The following AOC3 variants were observed in gnomAD, a reference collection of about 807,000 sequenced individuals.
AOC3 encodes amine oxidase [copper-containing] 3.
A neutral mutation model predicts 55.4 loss-of-function variants in AOC3; 47 were observed. That is an observed-to-expected ratio of 0.85 (90% CI 0.67 to 1.08). AOC3 has a LOEUF of 1.08. AOC3 is among the 50% of genes least tolerant of loss of function. The probability of loss-of-function intolerance (pLI) is 0.00; values close to 1 mark genes in which losing one functional copy is unlikely to be tolerated. For missense variants in AOC3, 853 were observed against 993.1 expected, an observed-to-expected ratio of 0.86 and a Z score of 1.90; for synonymous variants, 386 against 410.7, an observed-to-expected ratio of 0.94 and a Z score of 0.73.
chr17:42,854,079 C>T (rs2055711879), intron 1 of AOC3: 1 of 177,800 alleles, frequency 5.6e-6, no homozygotes, highest in South Asian at 2.0e-4. Flanking sequence ...TCCTGTGATC[C>T]GGAAGTTGCC....
In AOC3 at chr17:42,852,781, C is replaced by T. The variant is rs1158150737; in HGVS notation, c.1438C>T (p.His480Tyr). The T allele has an allele frequency of 1.2e-6, 2 of 1,614,094 alleles. No individual in the cohort carries two copies. The highest frequency in any genetic ancestry group is 1.1e-5 in the South Asian group (1 of 91,086). ...NYDYVWDTVF[H>Y]PSGAIEIRFY... is the part of the protein sequence containing the mutation. ...TGACTATGTGTGGGATACGGTCTTC[C>T]ACCCCAGTGGGGCCATAGAAATACG... Residue 480 changes from histidine to tyrosine, a missense_variant, in exon 1 of 4, where the codon CAC becomes TAC. His to Tyr is a moderately conservative substitution (Grantham distance 83). Transcript: ENST00000308423.
In AOC3 at chr17:42,851,971, A is replaced by G. The variant is rs2055675161; in HGVS notation, c.628A>G (p.Thr210Ala). The change falls in exon 1 of 4, where the codon ACA (threonine) becomes GCA (alanine). Residue 210 changes from threonine (T) to alanine (A), a missense_variant. Coordinates refer to ENST00000308423, the MANE Select transcript of AOC3 (RefSeq NM_003734.4). ...CAAGCACCGGGGACGGAACCTGGTG[A>G]CAATGACCACGGCTCCCCGTGGTCT... Reference protein sequence around the residue: ...FYKHRGRNLVTMTTAPRGLQS... With the variant: ...FYKHRGRNLVAMTTAPRGLQS... The G allele has an allele frequency of 6.2e-7, 1 of 1,613,640 alleles. No homozygotes were observed. The highest frequency in any genetic ancestry group is 1.3e-5 in the African/African-American group (1 of 74,928).
In AOC3 at chr17:42,852,941, C is replaced by T. The variant is rs1365374887; in HGVS notation, c.1598C>T (p.Ala533Val). 11 of 1,597,808 alleles carry T rather than the reference C, an allele frequency of 6.9e-6. No individual in the cohort carries two copies. The highest frequency in any genetic ancestry group is 8.6e-6 in the Non-Finnish European group (10 of 1,166,414). ...SAHFKVDLDVAGLENWVWAED... is the reference protein window; with the variant it reads ...SAHFKVDLDVVGLENWVWAED... ...CACTTCAAGGTGGATCTGGATGTAG[C>T]AGGTAAGACATTTTGGTGGGGAGAA... The change falls in exon 1 of 4, where the codon GCA becomes GTA. Residue 533 changes from alanine to valine, a missense_variant and splice_region_variant. Physicochemically the swap from Ala to Val is moderately conservative, Grantham distance 64. Coordinates refer to ENST00000308423, the MANE Select transcript of AOC3 (RefSeq NM_003734.4).
At chr17:42,855,857 G>A (rs2055742035) in intron 3 of AOC3, among the ~76,000 whole-genome samples, 1 of 152,184 alleles carries the variant, frequency 6.6e-6, no homozygotes, top group Non-Finnish European at 1.5e-5. Flanking sequence ...AAGTTACCAG[G>A]GAAAATGACA....
rs376876131 is a variant in AOC3, at chr17:42,851,460, C to T, written c.117C>T (p.Pro39=). The T allele has an allele frequency of 1.3e-4, 214 of 1,614,124 alleles. No homozygotes were observed. The highest frequency in any genetic ancestry group is 1.8e-4 in the Non-Finnish European group (210 of 1,180,054). ...GGDGGEPSQL[P]HCPSVSPSAQ... ...ATGGGGGTGAACCCAGCCAGCTTCC[C>T]CATTGCCCCTCTGTATCTCCCAGTG... The change falls in exon 1 of 4, where the codon CCC becomes CCT. Residue 39 remains proline, a synonymous_variant. Transcript: ENST00000308423.
Position 42,854,533 on chromosome 17 carries a change from G to A in AOC3, c.1686G>A (p.Leu562=), listed in dbSNP as rs147670259. ...PWSPEHQLQR[L]QVTRKLLEME... is the part of the protein sequence containing the mutation. The stretch of plus-strand genomic sequence containing the variant: ...GCCCTGAGCACCAGCTGCAGAGGCT[G>A]CAGGTGACCCGGAAGCTGCTGGAGA... The change falls in exon 2 of 4, where the codon CTG becomes CTA. Residue 562 remains leucine, a synonymous_variant. Coordinates refer to ENST00000308423, the MANE Select transcript of AOC3 (RefSeq NM_003734.4). 8 of 1,610,646 alleles carry A rather than the reference G, an allele frequency of 5.0e-6. No individual in the cohort carries two copies. The African/African-American group carries it at 1.1e-4, about 22-fold the overall frequency.
At position 42,857,909 on chromosome 17, in the gene AOC3, C is replaced by T. The variant is rs2144313573; in HGVS notation, c.*1359C>T. The T allele has an allele frequency of 6.6e-6, 1 of 152,186 alleles. No homozygotes were observed. Among genetic ancestry groups the T allele is most frequent in the East Asian group, 1.9e-4 (1 of 5,202 alleles). The allele number at this position is 152,186 out of a possible 1,614,324, so 9.4% of individuals were successfully genotyped here. ...ACAGAAATGTGTATAGCGCACTTCC[C>T]ATTTGTGTTTCAGAAAGGAGTAGAA... is the stretch of plus-strand genomic sequence containing the variant. On this transcript the variant is annotated 3_prime_UTR_variant, in exon 4 of 4. Transcript: ENST00000308423.
In AOC3 at chr17:42,854,643, A is replaced by AC. The variant is rs780431631; in HGVS notation, c.1801dup (p.Arg601ProfsTer44). 1.2e-5 allele frequency: 19 copies of AC among 1,563,830 alleles called. No homozygotes were observed. The highest frequency in any genetic ancestry group is 7.1e-5 in the East Asian group (3 of 42,474). On this transcript the variant is annotated frameshift_variant, in exon 2 of 4. Transcript: ENST00000308423. LOFTEE classifies it high-confidence loss of function. Reference sequence around the variant, plus strand: ...AGCAACCACAGCAACAAGTGGGGTCACCCCCGGGGCTACCGCATCCAGATG... The same window carrying AC: ...AGCAACCACAGCAACAAGTGGGGTCACCCCCCGGGGCTACCGCATCCAGATG...
At position 42,851,576 on chromosome 17, in the gene AOC3, G is replaced by A. The variant is rs402680; in HGVS notation, c.233G>A (p.Arg78Gln). 511 of 1,613,032 alleles carry A rather than the reference G, an allele frequency of 3.2e-4. 2 individuals are homozygous for A. Among genetic ancestry groups the A allele is most frequent in the African/African-American group, 1.9e-3 (146 of 75,016 alleles). The change falls in exon 1 of 4, where the codon CGG (arginine) becomes CAG (glutamine). Residue 78 changes from arginine to glutamine, a missense_variant. Arg to Gln is a conservative substitution (Grantham distance 43). Transcript: ENST00000308423. Reference sequence around the variant, plus strand: ...GCTGTGATGCGCTTTCTGACCCAGCGGCTGGGGCCAGGGCTGGTGGATGCA... The same window carrying A: ...GCTGTGATGCGCTTTCTGACCCAGCAGCTGGGGCCAGGGCTGGTGGATGCA... ...LTAVMRFLTQ[R>Q]LGPGLVDAAQ...
chr17:42,851,214 A>T lies in AOC3; in HGVS notation c.-130A>T. 1.1e-6 allele frequency: 1 copy of T among 947,750 alleles called. No homozygotes were observed. 58.7% of individuals were successfully genotyped at this position (947,750 alleles called of 1,614,324 possible). On this transcript the variant is annotated 5_prime_UTR_variant, in exon 1 of 4. Transcript: ENST00000308423. ...TCCCACCCTTAGTCCCAGGCATCTG[A>T]CTACCGGGAACCTCAGCCAGAGTCC...
chr17:42,853,793 C>T (rs368426240), intron 1 of AOC3, among the ~76,000 whole-genome samples: 1 of 152,172 alleles, frequency 6.6e-6, no homozygotes, highest in East Asian at 1.9e-4. Flanking sequence ...CTCTCACTTT[C>T]GTCATCACCT....
chr17:42,856,505 C>G lies in AOC3; in HGVS notation c.2247C>G (p.Ala749=). Residue 749 remains alanine, a synonymous_variant, in exon 4 of 4, where the codon GCC becomes GCG. Transcript: ENST00000308423. ...LACLPQAAAC[A]PDLPAFSHGG... ...GCCTGCCCCAGGCTGCTGCCTGTGCCCCCGACCTCCCTGCCTTCTCCCACG... is the reference window on the plus strand; with the variant it reads ...GCCTGCCCCAGGCTGCTGCCTGTGCGCCCGACCTCCCTGCCTTCTCCCACG... 1.2e-6 allele frequency: 2 copies of G among 1,609,604 alleles called. No individual in the cohort carries two copies.
At position 42,851,442 on chromosome 17, in the gene AOC3, T is replaced by A. The variant is rs1305983875; in HGVS notation, c.99T>A (p.Gly33=). 6.2e-7 allele frequency: 1 copy of A among 1,614,076 alleles called. No individual in the cohort carries two copies. The highest frequency in any genetic ancestry group is 1.7e-5 in the Admixed American group (1 of 60,026). ...TGGTGGGCAGGGGTGGAGATGGGGG[T>A]GAACCCAGCCAGCTTCCCCATTGCC... ...VLLVGRGGDG[G]EPSQLPHCPS... is the part of the protein sequence containing the mutation. Residue 33 remains glycine (G), a synonymous_variant, in exon 1 of 4, where the codon GGT becomes GGA. Transcript: ENST00000308423.
At position 42,855,483 on chromosome 17, in the gene AOC3, C is replaced by T. The variant is rs995188564; in HGVS notation, c.1926C>T (p.Pro642=). 5.6e-6 allele frequency: 9 copies of T among 1,611,576 alleles called. No homozygotes were observed. The African/African-American group carries it at 9.3e-5, about 17-fold the overall frequency. Residue 642 remains proline (P), a synonymous_variant, in exon 3 of 4, where the codon CCC becomes CCT. Coordinates refer to ENST00000308423, the MANE Select transcript of AOC3 (RefSeq NM_003734.4). The part of the protein sequence containing the change: ...LAVTQRKEEE[P]SSSSVFNQND... ...TGACCCAGCGGAAGGAGGAGGAGCC[C>T]AGTAGCAGCAGCGTTTTCAATCAGA...
rs145964446 is a variant in AOC3, at chr17:42,852,157, G to A, written c.814G>A (p.Asp272Asn). Residue 272 changes from aspartate (D) to asparagine (N), a missense_variant, in exon 1 of 4, where the codon GAC becomes AAC. By Grantham distance (23) the Asp-to-Asn change is conservative. Coordinates refer to ENST00000308423, the MANE Select transcript of AOC3 (RefSeq NM_003734.4). ...GGTGTTCTATCAAGGCCGCTACTACGACAGCCTGGCCCAGCTGGAGGCCCA... is the reference window on the plus strand; with the variant it reads ...GGTGTTCTATCAAGGCCGCTACTACAACAGCCTGGCCCAGCTGGAGGCCCA... ...QKVFYQGRYY[D>N]SLAQLEAQFE... 36 of 1,613,908 alleles carry A rather than the reference G, an allele frequency of 2.2e-5. No individual in the cohort carries two copies. In the African/African-American group the frequency reaches 2.7e-4, roughly 12 times the overall value.
At chr17:42,853,663 C>G (rs35170946) in intron 1 of AOC3, among the ~76,000 whole-genome samples, 10,788 of 152,118 alleles carry the variant, frequency 0.071, 1,111 homozygotes, top group African/African-American at 0.23. Flanking sequence ...GCAGGTCAGA[C>G]TGTCATGCCG....
At chr17:42,853,104 A>C (rs897836867) in intron 1 of AOC3, 161 bp downstream of exon 1, 1 of 1,342,650 alleles carries the variant, frequency 7.4e-7, no homozygotes, top group Non-Finnish European at 9.8e-7. Context: ...TTTTATTTGG[A>C]TCTTAGCTCA....
rs2055716953 is a variant in AOC3 at position 42,854,428 on chromosome 17, C to T, written c.1601-20C>T. On this transcript the variant is annotated intron_variant, in intron 1 of 3. Transcript: ENST00000308423. ...CAGGGCAGTTGCCTGACAGGCCCTC[C>T]CCTATCCCACCCTGAGCAGGACTGG... 19 of 1,473,044 alleles carry T rather than the reference C, an allele frequency of 1.3e-5. No homozygotes were observed. The highest frequency in any genetic ancestry group is 1.5e-5 in the Non-Finnish European group (17 of 1,108,002). 91.2% of individuals were successfully genotyped at this position (1,473,044 alleles called of 1,614,324 possible).
rs2055726614 is a variant in AOC3, at chr17:42,854,806, C to T, written c.1886+73C>T. 2.3e-6 allele frequency: 3 copies of T among 1,305,466 alleles called. No individual in the cohort carries two copies. The South Asian group carries it at 5.6e-5, about 24-fold the overall frequency. The allele number at this position is 1,305,466 out of a possible 1,614,324, so 80.9% of individuals were successfully genotyped here. A position where few individuals can be genotyped will look rare whatever the true frequency, so the allele number is the denominator to read the frequency against. ...GGAGTGTTGGCGGACACTCAGCTCA[C>T]ACTGTAGGTGAGGGGAGAGCTCTCT... On this transcript the variant is annotated intron_variant, in intron 2 of 3. Transcript: ENST00000308423.
Sources: allele counts gnomAD v4.1 joint callset (sites outside exome capture counted in the v4.1 genomes callset), GRCh38; gene constraint gnomAD v4.1.1; transcripts MANE v1.5; gene names NCBI Gene and HGNC (gene_info 2026-07-23, HGNC 2026-07-21).